Variants in DAAM1 observed in about 807,000 individuals in gnomAD.
The protein encoded by DAAM1 is dishevelled associated activator of morphogenesis 1.
In DAAM1, 52 loss-of-function variants were observed where a neutral mutation model predicts 130.0. That is an observed-to-expected ratio of 0.40 (90% CI 0.32 to 0.50). The LOEUF is 0.50. DAAM1 is among the 20% of genes least tolerant of loss of function. The pLI, the probability that DAAM1 is intolerant of heterozygous loss-of-function variation, is 0.61. For synonymous variants in DAAM1, 452 were observed against 444.5 expected (o/e 1.02, Z -0.21); for missense variants, 1,134 against 1,303.8 (o/e 0.87, Z 2.01).
At chr14:59,210,116 C>T (rs1447099213) in intron 1 of DAAM1, among the ~76,000 whole-genome samples, 1 of 152,046 alleles carries the variant, frequency 6.6e-6, no homozygotes, top group Non-Finnish European at 1.5e-5. Context: ...CACCCCAGCC[C>T]GAGGGTCTGA....
At chr14:59,224,103 A>G (rs1381684691) in intron 1 of DAAM1, among the ~76,000 whole-genome samples, 1 of 152,220 alleles carries the variant, frequency 6.6e-6, no homozygotes, top group Non-Finnish European at 1.5e-5. Context: ...TTGTCAGGTG[A>G]CAGCAAACTG....
intron 17 of DAAM1, among the ~76,000 whole-genome samples, chr14:59,351,765 AAAGTT>A (rs1886302914): frequency 1.3e-5 from 2 of 152,304 alleles, no homozygotes; most frequent in South Asian, 4.1e-4. Context: ...AAAAAAAAAA[AAAGTT>A]AAGGGCATTT....
At chr14:59,224,296 C>G (rs7141283) in intron 1 of DAAM1, among the ~76,000 whole-genome samples, 292 of 152,286 alleles carry the variant, frequency 1.9e-3, no homozygotes, top group African/African-American at 6.4e-3. Flanking sequence ...TTCCAAGATC[C>G]ATTTGTCTTC....
At chr14:59,363,554 GATTT>G in intron 22 of DAAM1, 93 bp from the exon 23 acceptor site, 4 of 1,532,128 alleles carry the variant, frequency 2.6e-6, no homozygotes, top group South Asian at 1.2e-5. Context: ...TTGCCATTCT[GATTT>G]ATTAAATTTA....
Position 59,367,511 on chromosome 14 carries a change from T to C in DAAM1, c.2909T>C (p.Leu970Pro). The C allele has an allele frequency of 6.2e-7, 1 of 1,614,032 alleles. No homozygotes were observed. The highest frequency in any genetic ancestry group is 8.5e-7 in the Non-Finnish European group (1 of 1,179,950). Residue 970 changes from leucine to proline, a missense_variant, in exon 24 of 25, where the codon CTT becomes CCT. Transcript: ENST00000360909. ...DEFFGIFDQF[L>P]QAVSEAKQEN... ...TTCTTTGGCATTTTTGATCAATTTC[T>C]TCAAGCTGTGTCAGAAGCCAAACAA... is the stretch of plus-strand genomic sequence containing the variant.
At position 59,370,075 on chromosome 14, in the gene DAAM1, T is replaced by C. The variant is rs2139701257; in HGVS notation, c.*1216T>C. On this transcript the variant is annotated 3_prime_UTR_variant, in exon 25 of 25. Transcript: ENST00000360909. ...CATTAGAAAATAAAATATAGATGCTTACCATTAACCTACCAACTCTTAATA... is the reference window on the plus strand; with the variant it reads ...CATTAGAAAATAAAATATAGATGCTCACCATTAACCTACCAACTCTTAATA... 1 of 150,396 alleles carries C rather than the reference T, an allele frequency of 6.6e-6. No homozygotes were observed. Among genetic ancestry groups the C allele is most frequent in the African/African-American group, 2.4e-5 (1 of 41,230 alleles). 9.3% of individuals were successfully genotyped at this position (150,396 alleles called of 1,614,324 possible). A position where few individuals can be genotyped will look rare whatever the true frequency, so the allele number is the denominator to read the frequency against.
At chr14:59,272,797 T>C (rs1882784910) in intron 2 of DAAM1, among the ~76,000 whole-genome samples, 1 of 152,138 alleles carries the variant, frequency 6.6e-6, no homozygotes, top group Non-Finnish European at 1.5e-5. Flanking sequence ...AGTTGGAATG[T>C]AGATATGGGC....
At chr14:59,205,533 T>C (rs1406070444) in intron 1 of DAAM1, among the ~76,000 whole-genome samples, 1 of 152,182 alleles carries the variant, frequency 6.6e-6, no homozygotes, top group African/African-American at 2.4e-5. Flanking sequence ...GACATTTGAG[T>C]TTTGAGTTTT....
chr14:59,340,453 G>A (rs1885800853), intron 16 of DAAM1, among the ~76,000 whole-genome samples: 1 of 152,150 alleles, frequency 6.6e-6, no homozygotes, highest in South Asian at 2.1e-4. Flanking sequence ...CAGAAAGCCT[G>A]TAACATCGAC....
At chr14:59,289,784 A>ATATATATATATATATATAT in intron 2 of DAAM1, among the ~76,000 whole-genome samples, 62 of 128,602 alleles carry the variant, frequency 4.8e-4, no homozygotes, top group South Asian at 1.2e-3. Context: ...ATATATATAT[A>ATATATATATATATATATAT]ATGGAATGCT....
intron 1 of DAAM1, among the ~76,000 whole-genome samples, chr14:59,225,316 G>A (rs913772718): frequency 1.4e-4 from 21 of 152,060 alleles, no homozygotes; most frequent in South Asian, 2.1e-4. Context: ...ATAAGCCACC[G>A]TGCCCAACCA....
At chr14:59,355,093 T>A in intron 19 of DAAM1, 72 bp from the exon 20 acceptor site, 1 of 1,544,788 alleles carries the variant, frequency 6.5e-7, no homozygotes, top group Non-Finnish European at 8.8e-7. Flanking sequence ...TTAGAATGGG[T>A]ATCACTGAAA....
chr14:59,292,358 C>T (rs1883776409), intron 3 of DAAM1, among the ~76,000 whole-genome samples: 1 of 152,192 alleles, frequency 6.6e-6, no homozygotes. Context: ...CTTGGGACCT[C>T]CATTGGCCCA....
In DAAM1 at chr14:59,267,988, C is replaced by T. The variant is rs150218550; in HGVS notation, c.183+4328C>T. Among the ~76,000 whole-genome samples, 4 of 151,178 alleles carry T rather than the reference C, an allele frequency of 2.6e-5. 1 individual carries two copies. Among genetic ancestry groups the T allele is most frequent in the African/African-American group, 4.9e-5 (2 of 40,980 alleles). ...TGCGATCTCGGCTCACTGCAACCTC[C>T]GCTTCCCGGGTTCAAGCGATTATTT... On this transcript the variant is annotated intron_variant, in intron 2 of 24. Coordinates refer to ENST00000360909, the MANE Select transcript of DAAM1 (RefSeq NM_001270520.2).
intron 2 of DAAM1, among the ~76,000 whole-genome samples, chr14:59,283,316 A>G (rs1284194098): frequency 6.6e-6 from 1 of 152,196 alleles, no homozygotes; most frequent in Non-Finnish European, 1.5e-5. Flanking sequence ...AAGTGCAGGT[A>G]TGAATAACAG....
At chr14:59,278,909 TA>T (rs1883089974) in intron 2 of DAAM1, among the ~76,000 whole-genome samples, 3 of 152,196 alleles carry the variant, frequency 2.0e-5, no homozygotes, top group African/African-American at 7.2e-5. Flanking sequence ...GTTTCTCTTT[TA>T]AGCCAACTCC....
intron 11 of DAAM1, 72 bp from the exon 12 acceptor site, chr14:59,326,861 C>T: frequency 2.0e-5 from 31 of 1,587,910 alleles, no homozygotes; most frequent in Non-Finnish European, 2.6e-5. Context: ...TATTTTTGTA[C>T]CTGGGGAGAA....
chr14:59,230,323 C>G (rs1889065131), intron 1 of DAAM1, among the ~76,000 whole-genome samples: 1 of 151,340 alleles, frequency 6.6e-6, no homozygotes, highest in South Asian at 2.1e-4. Flanking sequence ...TTTTTTCCCC[C>G]CACAAGCTAG....
chr14:59,203,287 C>G (rs998409506), intron 1 of DAAM1, among the ~76,000 whole-genome samples: 2 of 150,808 alleles, frequency 1.3e-5, no homozygotes, highest in South Asian at 4.2e-4. Context: ...GGATTACAGG[C>G]GTGAATAGCT....
Sources: allele counts gnomAD v4.1 joint callset (sites outside exome capture counted in the v4.1 genomes callset), GRCh38; gene constraint gnomAD v4.1.1; transcripts MANE v1.5; gene names NCBI Gene and HGNC (gene_info 2026-07-23, HGNC 2026-07-21).